IFNGR1: variants seen among roughly 807,000 people sequenced by gnomAD.
IFNGR1 encodes the protein interferon gamma receptor 1, also known as AVP, type 2.
IFNGR1 carries 23 observed loss-of-function variants against 35.4 expected under a neutral mutation model. The observed-to-expected ratio is 0.65, with a 90% CI of 0.47 to 0.92. The LOEUF (loss-of-function observed/expected upper bound fraction) is 0.92. Ranked by LOEUF, IFNGR1 falls within the 40% of genes least tolerant of loss-of-function variation. The pLI is 0.00. For missense variants in IFNGR1, 533 were observed against 583.4 expected, an observed-to-expected ratio of 0.91 and a Z score of 0.89; for synonymous variants, 199 against 209.5, an observed-to-expected ratio of 0.95 and a Z score of 0.43.
At position 137,205,166 on chromosome 6, in the gene IFNGR1, T is replaced by C. The variant is rs899374576; in HGVS notation, c.374-662A>G. On this transcript the variant is annotated intron_variant, in intron 3 of 6. Coordinates refer to ENST00000367739, the MANE Select transcript of IFNGR1 (RefSeq NM_000416.3). ...ACATGCAGATGGTGTGGTAATCATA[T>C]GACAAAATTGTGGACTCTGGGGAAG... Among the ~76,000 whole-genome samples the C allele has an allele frequency of 4.6e-5, 7 of 152,276 alleles. 1 individual carries two copies. The highest frequency in any genetic ancestry group is 2.6e-4 in the Admixed American group (4 of 15,300).
rs1405796456 is a variant in IFNGR1, at chr6:137,219,254, C to A, written c.74G>T (p.Gly25Val). Residue 25 changes from glycine (G) to valine (V), a missense_variant, in exon 1 of 7, where the codon GGG (glycine) becomes GTG (valine). Gly to Val is a moderately radical substitution (Grantham distance 109, BLOSUM62 -3). Coordinates refer to ENST00000367739, the MANE Select transcript of IFNGR1 (RefSeq NM_000416.3). ...SRAEMGTADLGPSSVPTPTNV... is the reference protein window; with the variant it reads ...SRAEMGTADLVPSSVPTPTNV... ...GCGAACGACGGTACCTGAGGACGGC[C>A]CCAGATCCGCGGTGCCCATCTCAGC... is the stretch of plus-strand genomic sequence containing the variant. The A allele has an allele frequency of 2.5e-6, 4 of 1,610,762 alleles. No homozygotes were observed. The highest frequency in any genetic ancestry group is 3.4e-6 in the Non-Finnish European group (4 of 1,178,838).
At chr6:137,207,259 C>G (rs981854221) in intron 1 of IFNGR1, among the ~76,000 whole-genome samples, 182 bp from the exon 2 acceptor site, 7 of 152,036 alleles carry the variant, frequency 4.6e-5, no homozygotes, top group Non-Finnish European at 7.4e-5. Flanking sequence ...ATTGAAAAAT[C>G]TATAGAAGAG....
At chr6:137,199,622 A>G (rs1779230332) in intron 6 of IFNGR1, among the ~76,000 whole-genome samples, 1 of 129,246 alleles carries the variant, frequency 7.7e-6, no homozygotes. Flanking sequence ...TTGGTATTAT[A>G]TATATATCTT....
chr6:137,197,829 T>TTA lies in IFNGR1; in HGVS notation c.*201_*202insTA. The TTA allele has an allele frequency of 2.0e-6, 1 of 491,420 alleles. No homozygotes were observed. The highest frequency in any genetic ancestry group is 3.5e-6 in the Non-Finnish European group (1 of 287,698). The allele number at this position is 491,420 out of a possible 1,614,324, so 30.4% of individuals were successfully genotyped here. A position where few individuals can be genotyped will look rare whatever the true frequency, so the allele number is the denominator to read the frequency against. ...CATAAGTTACAATGCTTTTTTTGTT[T>TTA]AAAAAAAAAAAAAAGTCTGTACTTT... On this transcript the variant is annotated 3_prime_UTR_variant, in exon 7 of 7. Transcript: ENST00000367739.
At chr6:137,209,879 C>T in intron 1 of IFNGR1, 1 of 398,698 alleles carries the variant, frequency 2.5e-6, no homozygotes, top group Non-Finnish European at 4.4e-6. Context: ...GCCACACATT[C>T]CAGTTTCATC....
intron 1 of IFNGR1, chr6:137,218,758 G>A: frequency 2.9e-6 from 1 of 348,958 alleles, no homozygotes; most frequent in East Asian, 7.5e-5. Context: ...TAGAAACCCA[G>A]ACAAACCCAG....
At chr6:137,217,895 C>G (rs1043900975) in intron 1 of IFNGR1, among the ~76,000 whole-genome samples, 6 of 152,174 alleles carry the variant, frequency 3.9e-5, no homozygotes, top group African/African-American at 1.4e-4. Context: ...GCTATCACAC[C>G]TCTGCACCTC....
At chr6:137,216,389 A>G (rs1779696931) in intron 1 of IFNGR1, among the ~76,000 whole-genome samples, 1 of 152,206 alleles carries the variant, frequency 6.6e-6, no homozygotes, top group Non-Finnish European at 1.5e-5. Context: ...TTTTATGTGT[A>G]AAAGTGCATG....
At chr6:137,209,204 A>C (rs1456618894) in intron 1 of IFNGR1, among the ~76,000 whole-genome samples, 2 of 152,154 alleles carry the variant, frequency 1.3e-5, no homozygotes, top group Non-Finnish European at 2.9e-5. Flanking sequence ...TTTTGATTTT[A>C]CAGGCTCACA....
At chr6:137,201,750 T>C (rs981181858) in intron 5 of IFNGR1, among the ~76,000 whole-genome samples, 1 of 152,094 alleles carries the variant, frequency 6.6e-6, no homozygotes, top group Non-Finnish European at 1.5e-5. Context: ...TTAGCCCCAC[T>C]CCTCAGAATT....
At chr6:137,206,779 G>A in intron 2 of IFNGR1, 184 bp downstream of exon 2, 1 of 600,732 alleles carries the variant, frequency 1.7e-6, no homozygotes, top group Non-Finnish European at 2.9e-6. Context: ...TACTGATAAG[G>A]AAGAGGAAAT....
chr6:137,198,265 A>G lies in IFNGR1; in HGVS notation c.1236T>C (p.Phe412=), dbSNP rs144715018. The G allele has an allele frequency of 1.4e-5, 22 of 1,614,078 alleles. No homozygotes were observed. In the African/African-American group the frequency reaches 2.4e-4, roughly 18 times the overall value. Residue 412 remains phenylalanine (F), a synonymous_variant, in exon 7 of 7, where the codon TTT becomes TTC. Transcript: ENST00000367739. The part of the protein sequence containing the change: ...CSESDHSRNG[F]DTDSSCLESH... ...ATTCCAGACAGCTGGAATCAGTATC[A>G]AAACCATTTCTGGAGTGATCACTCT...
At position 137,197,817 on chromosome 6, in the gene IFNGR1, GCTT is replaced by G. The variant is rs1455973863; in HGVS notation, c.*211_*213del. Reference sequence around the variant, plus strand: ...GATGTAAAGGTTCATAAGTTACAATGCTTTTTTTGTTTAAAAAAAAAAAAAAGT... The same window carrying G: ...GATGTAAAGGTTCATAAGTTACAATGTTTTTGTTTAAAAAAAAAAAAAAGT... On this transcript the variant is annotated 3_prime_UTR_variant, in exon 7 of 7. Transcript: ENST00000367739. 1.9e-6 allele frequency: 1 copy of G among 537,190 alleles called. No individual in the cohort carries two copies. Among genetic ancestry groups the G allele is most frequent in the Non-Finnish European group, 3.2e-6 (1 of 308,922 alleles). The allele number at this position is 537,190 out of a possible 1,614,324, so 33.3% of individuals were successfully genotyped here.
intron 1 of IFNGR1, chr6:137,218,909 C>T (rs1779774833): frequency 2.3e-6 from 1 of 440,808 alleles, no homozygotes; most frequent in Non-Finnish European, 4.2e-6. Flanking sequence ...ATATTATAAT[C>T]TTTGAGACCA....
intron 1 of IFNGR1, chr6:137,215,295 A>G: frequency 1.9e-6 from 3 of 1,549,214 alleles, no homozygotes; most frequent in Non-Finnish European, 2.6e-6. Flanking sequence ...ATTGGAGAAG[A>G]CTATTTTCTG....
chr6:137,207,932 G>A (rs1308133062), intron 1 of IFNGR1, among the ~76,000 whole-genome samples: 2 of 152,214 alleles, frequency 1.3e-5, no homozygotes, highest in Non-Finnish European at 2.9e-5. Flanking sequence ...ATAGGAAAAT[G>A]TTTGGAACTT....
At chr6:137,215,457 T>C in intron 1 of IFNGR1, 2 of 831,224 alleles carry the variant, frequency 2.4e-6, no homozygotes. Flanking sequence ...AGTATTCTGA[T>C]TACTATGCAT....
Position 137,208,666 on chromosome 6 carries a change from T to G in IFNGR1, c.86-1589A>C, listed in dbSNP as rs148558611. 4.2e-3 allele frequency among the ~76,000 whole-genome samples: 637 copies of G among 152,356 alleles called. 4 individuals carry two copies. The highest frequency in any genetic ancestry group is 0.041 in the Middle Eastern group (12 of 294). On this transcript the variant is annotated intron_variant, in intron 1 of 6. Coordinates refer to ENST00000367739, the MANE Select transcript of IFNGR1 (RefSeq NM_000416.3). ...AGTCAAGAATTGAGATTTGGGAACC[T>G]CTGCTTAGATTTCAGAAGATGTATG...
intron 3 of IFNGR1, among the ~76,000 whole-genome samples, chr6:137,205,048 G>A (rs1435529668): frequency 6.6e-6 from 1 of 152,122 alleles, no homozygotes; most frequent in African/African-American, 2.4e-5. Flanking sequence ...GTGCCAGGCA[G>A]GTCTGTTTTT....
Sources: gnomAD v4.1 joint callset for allele counts (sites outside exome capture counted in the v4.1 genomes callset) on GRCh38, gnomAD v4.1.1 for gene constraint, MANE v1.5 for transcripts, NCBI Gene and HGNC (gene_info 2026-07-23, HGNC 2026-07-21) for gene names.